GRIK1: variants seen among roughly 807,000 people sequenced by gnomAD.
GRIK1 encodes glutamate receptor ionotropic, kainate 1.
In GRIK1, 69 loss-of-function variants were observed where a neutral mutation model predicts 105.7. The observed-to-expected ratio is 0.65, with a 90% CI of 0.54 to 0.80. The LOEUF (loss-of-function observed/expected upper bound fraction) is 0.80. Among genes scored for constraint, GRIK1 ranks in the 30% least tolerant of loss-of-function variants. The pLI is 0.00. For missense variants in GRIK1, 1,109 were observed against 1,167.3 expected (o/e 0.95, Z 0.73); for synonymous variants, 438 against 431.3 (o/e 1.02, Z -0.19).
intron 1 of GRIK1, among the ~76,000 whole-genome samples, chr21:29,717,566 C>T (rs921030589): frequency 6.6e-6 from 1 of 152,240 alleles, no homozygotes; most frequent in Non-Finnish European, 1.5e-5. Flanking sequence ...GGAGTTTGGA[C>T]TTGCTTGGGG....
At chr21:29,678,977 G>A (rs1443429916) in intron 3 of GRIK1, among the ~76,000 whole-genome samples, 1 of 152,180 alleles carries the variant, frequency 6.6e-6, no homozygotes. Flanking sequence ...AAAATGGAAG[G>A]AACTATGACA....
chr21:29,553,152 AAAG>A, intron 16 of GRIK1: 1 of 909,654 alleles, frequency 1.1e-6, no homozygotes, highest in Non-Finnish European at 1.3e-6. Context: ...AGGGAGAAGA[AAAG>A]AGGAGGGAAC....
At chr21:29,846,959 C>CAT (rs778057813) in intron 1 of GRIK1, among the ~76,000 whole-genome samples, 2 of 152,048 alleles carry the variant, frequency 1.3e-5, no homozygotes, top group Non-Finnish European at 2.9e-5. Flanking sequence ...GTCAAGATTT[C>CAT]ATATATATTT....
intron 16 of GRIK1, among the ~76,000 whole-genome samples, chr21:29,552,816 T>C (rs546349905): frequency 1.3e-5 from 2 of 152,174 alleles, no homozygotes; most frequent in African/African-American, 4.8e-5. Context: ...ATTCTACAAG[T>C]AAATGTTATT....
At chr21:29,603,608 C>T (rs375522257) in intron 7 of GRIK1, among the ~76,000 whole-genome samples, 40 of 152,236 alleles carry the variant, frequency 2.6e-4, no homozygotes, top group African/African-American at 7.9e-4. Flanking sequence ...TTTTTCTCCC[C>T]GTCACACCTC....
chr21:29,730,976 G>A (rs1569024842), intron 1 of GRIK1, among the ~76,000 whole-genome samples: 1 of 152,114 alleles, frequency 6.6e-6, no homozygotes, highest in Non-Finnish European at 1.5e-5. Flanking sequence ...GAGATTCCTG[G>A]GAATTTAACC....
At chr21:29,649,368 G>A (rs1032474797) in intron 6 of GRIK1, among the ~76,000 whole-genome samples, 3 of 152,058 alleles carry the variant, frequency 2.0e-5, no homozygotes, top group Non-Finnish European at 4.4e-5. Flanking sequence ...TTCTGCTCTG[G>A]TAAATCCCCA....
At chr21:29,538,996 T>C (rs904368076) in intron 16 of GRIK1, among the ~76,000 whole-genome samples, 1 of 152,172 alleles carries the variant, frequency 6.6e-6, no homozygotes, top group South Asian at 2.1e-4. Flanking sequence ...AATAAAACTT[T>C]TTATCTCTTT....
chr21:29,778,818 A>T (rs1295019308), intron 1 of GRIK1, among the ~76,000 whole-genome samples: 5 of 152,186 alleles, frequency 3.3e-5, no homozygotes. Flanking sequence ...AACTTCAATG[A>T]AGCACTTGCT....
intron 1 of GRIK1, among the ~76,000 whole-genome samples, chr21:29,885,431 T>A (rs747326205): frequency 2.0e-4 from 31 of 152,090 alleles, no homozygotes; most frequent in Non-Finnish European, 4.3e-4. Flanking sequence ...AATAAATTCC[T>A]TCCTAGAGAT....
intron 7 of GRIK1, among the ~76,000 whole-genome samples, chr21:29,605,066 C>A (rs183204069): frequency 2.2e-3 from 333 of 151,686 alleles, no homozygotes; most frequent in African/African-American, 6.1e-3. Flanking sequence ...TTTTCTTCAA[C>A]TTTTGTGTTA....
At chr21:29,649,563 G>A (rs949361500) in intron 6 of GRIK1, among the ~76,000 whole-genome samples, 3 of 152,166 alleles carry the variant, frequency 2.0e-5, no homozygotes, top group African/African-American at 7.2e-5. Context: ...CTGCTGCCCT[G>A]GGATAGCAGC....
chr21:29,886,337 T>C (rs1243619627), intron 1 of GRIK1, among the ~76,000 whole-genome samples: 1 of 152,166 alleles, frequency 6.6e-6, no homozygotes, highest in Non-Finnish European at 1.5e-5. Context: ...GACTTTGTTC[T>C]GTTCTTTGCA....
At chr21:29,553,323 C>A in intron 16 of GRIK1, 1 of 1,130,620 alleles carries the variant, frequency 8.8e-7, no homozygotes, top group Non-Finnish European at 1.1e-6. Flanking sequence ...GAGAAGATTC[C>A]TGTAAATACA....
intron 7 of GRIK1, among the ~76,000 whole-genome samples, chr21:29,617,277 G>T (rs913631760): frequency 1.3e-5 from 2 of 152,070 alleles, no homozygotes; most frequent in African/African-American, 4.8e-5. Flanking sequence ...GTTCTTTTAC[G>T]GTGTTAAGCC....
intron 1 of GRIK1, among the ~76,000 whole-genome samples, chr21:29,861,835 T>C (rs1272660019): frequency 6.6e-6 from 1 of 152,236 alleles, no homozygotes; most frequent in Non-Finnish European, 1.5e-5. Context: ...TGTATAATTC[T>C]TTTTAATATG....
rs139934093 is a variant in GRIK1, at chr21:29,627,892, G to T, written c.1098+14934C>A. Among the ~76,000 whole-genome samples the T allele has an allele frequency of 3.8e-3, 579 of 152,314 alleles. 5 individuals are homozygous for T. Among genetic ancestry groups the T allele is most frequent in the African/African-American group, 0.013 (558 of 41,572 alleles). Reference sequence around the variant, plus strand: ...CTTGGGGAATATAGCAAAAGGAAAAGAGAACAGAGAAGGCATTTTATGGAT... The same window carrying T: ...CTTGGGGAATATAGCAAAAGGAAAATAGAACAGAGAAGGCATTTTATGGAT... On this transcript the variant is annotated intron_variant, in intron 7 of 17. Transcript: ENST00000327783.
At position 29,689,964 on chromosome 21, in the gene GRIK1, C is replaced by G; in HGVS notation, c.308G>C (p.Gly103Ala). Residue 103 changes from glycine to alanine, a missense_variant, in exon 3 of 18, where the codon GGT becomes GCT. Gly to Ala is a moderately conservative substitution (Grantham distance 60, BLOSUM62 0). Around this residue, in one of 5 missense-constraint regions of GRIK1, gnomAD observed 612 missense variants for 586.0 expected, o/e 1.04. Coordinates refer to ENST00000327783, the MANE Select transcript of GRIK1 (RefSeq NM_001330994.2). The part of the protein sequence containing the change: ...SRRACDQLAL[G>A]VAALFGPSHS... ...GGAAGGGCCAAAGAGAGCAGCCACA[C>G]CAAGAGCCAGCTGGTCACATGCTGA... 2 of 1,613,538 alleles carry G rather than the reference C, an allele frequency of 1.2e-6. No homozygotes were observed. The highest frequency in any genetic ancestry group is 2.2e-5 in the South Asian group (2 of 91,046).
At chr21:29,853,522 T>A (rs1208444112) in intron 1 of GRIK1, among the ~76,000 whole-genome samples, 3 of 152,254 alleles carry the variant, frequency 2.0e-5, no homozygotes, top group African/African-American at 7.2e-5. Flanking sequence ...TGGAGAATCA[T>A]TTCAGTAGTA....
Sources: allele counts gnomAD v4.1 joint callset (sites outside exome capture counted in the v4.1 genomes callset), GRCh38; gene constraint gnomAD v4.1.1; regional missense constraint gnomAD v4.1.1; transcripts MANE v1.5; gene names NCBI Gene and HGNC (gene_info 2026-07-23, HGNC 2026-07-21).